YJEFN3: variants seen among roughly 807,000 people sequenced by gnomAD.
The protein encoded by YJEFN3 is YjeF N-terminal domain containing 3.
Under a neutral mutation model 31.5 loss-of-function variants are expected in YJEFN3, and 29 were observed. The observed-to-expected ratio is 0.92, with a 90% CI of 0.69 to 1.26. The LOEUF is 1.26. Ranked by LOEUF, YJEFN3 falls within the 50% of genes most tolerant of loss-of-function variation. The pLI, the probability that YJEFN3 is intolerant of heterozygous loss-of-function variation, is 0.00. For missense variants in YJEFN3, 442 were observed against 425.4 expected, an observed-to-expected ratio of 1.04 and a Z score of -0.34; for synonymous variants, 227 against 196.1, an observed-to-expected ratio of 1.16 and a Z score of -1.32.
chr19:19,529,232 A>T, intron 1 of YJEFN3, 132 bp from the exon 2 acceptor site: 1 of 1,449,548 alleles, frequency 6.9e-7, no homozygotes, highest in South Asian at 1.5e-5. Flanking sequence ...ATCTTGCTGG[A>T]GACACTAAGC....
intron 2 of YJEFN3, among the ~76,000 whole-genome samples, chr19:19,530,718 G>A (rs1412936727): frequency 1.3e-5 from 2 of 152,136 alleles, no homozygotes; most frequent in Non-Finnish European, 2.9e-5. Flanking sequence ...GCCCCGGGGG[G>A]ACTCTGTCTG....
chr19:19,528,930 GC>G lies in YJEFN3; in HGVS notation c.-1del, dbSNP rs767896675. On this transcript the variant is annotated 5_prime_UTR_variant, in exon 1 of 7. Coordinates refer to ENST00000514277, the MANE Select transcript of YJEFN3 (RefSeq NM_198537.4). ...GCGCCCGGCGCCCGGGCTCACCTCGGCCATGAGCAGCGCAGCCGGCCCAGAC... is the reference window on the plus strand; with the variant it reads ...GCGCCCGGCGCCCGGGCTCACCTCGGCATGAGCAGCGCAGCCGGCCCAGAC... 27 of 1,548,398 alleles carry G rather than the reference GC, an allele frequency of 1.7e-5. No homozygotes were observed. The highest frequency in any genetic ancestry group is 9.8e-5 in the Admixed American group (5 of 50,922).
intron 2 of YJEFN3, 129 bp from the exon 3 acceptor site, chr19:19,532,503 G>A (rs2061167485): frequency 1.9e-6 from 1 of 540,426 alleles, no homozygotes; most frequent in East Asian, 3.5e-5. Context: ...GGCTGCAGAC[G>A]CTACTCGGGG....
chr19:19,530,073 C>T (rs2061140201), intron 2 of YJEFN3, among the ~76,000 whole-genome samples: 2 of 152,134 alleles, frequency 1.3e-5, no homozygotes, highest in Non-Finnish European at 2.9e-5. Context: ...TGGAGAGAAG[C>T]AGGTAGGACT....
At chr19:19,531,759 C>G (rs1248015031) in intron 2 of YJEFN3, among the ~76,000 whole-genome samples, 2 of 110,776 alleles carry the variant, frequency 1.8e-5, no homozygotes, top group East Asian at 4.9e-4. Flanking sequence ...GGAGACGGAG[C>G]CTCACTCTGT....
At position 19,537,570 on chromosome 19, in the gene YJEFN3, C is replaced by T. The variant is rs2144672660; in HGVS notation, c.*46C>T. 1 of 1,465,298 alleles carries T rather than the reference C, an allele frequency of 6.8e-7. No individual in the cohort carries two copies. The highest frequency in any genetic ancestry group is 1.4e-5 in the African/African-American group (1 of 71,256). The allele number at this position is 1,465,298 out of a possible 1,614,324, so 90.8% of individuals were successfully genotyped here. ...GCAGGGACCCTCGCCAATAAACAGC[C>T]CTCCCACCACCGCCGCCTCGCCTCC... is the stretch of plus-strand genomic sequence containing the variant. On this transcript the variant is annotated 3_prime_UTR_variant, in exon 7 of 7. Coordinates refer to ENST00000514277, the MANE Select transcript of YJEFN3 (RefSeq NM_198537.4).
In YJEFN3 at chr19:19,537,402, G is replaced by T. The variant is rs367770101; in HGVS notation, c.778G>T (p.Ala260Ser). 1 of 1,590,018 alleles carries T rather than the reference G, an allele frequency of 6.3e-7. No homozygotes were observed. Among genetic ancestry groups the T allele is most frequent in the Non-Finnish European group, 8.5e-7 (1 of 1,174,718 alleles). Reference protein sequence around the residue: ...LVSLAAPKRCAGRFSGRHHFV... With the variant: ...LVSLAAPKRCSGRFSGRHHFV... ...GTCTCTCGCGGCGCCCAAGCGCTGCGCTGGCCGCTTCTCCGGGCGCCACCA... is the reference window on the plus strand; with the variant it reads ...GTCTCTCGCGGCGCCCAAGCGCTGCTCTGGCCGCTTCTCCGGGCGCCACCA... The change falls in exon 7 of 7, where the codon GCT becomes TCT. Residue 260 changes from alanine to serine, a missense_variant. Coordinates refer to ENST00000514277, the MANE Select transcript of YJEFN3 (RefSeq NM_198537.4).
In YJEFN3 at chr19:19,537,453, G is replaced by A. The variant is rs1234548682; in HGVS notation, c.829G>A (p.Asp277Asn). The change falls in exon 7 of 7, where the codon GAT (aspartate) becomes AAT (asparagine). Residue 277 changes from aspartate (D) to asparagine (N), a missense_variant. Coordinates refer to ENST00000514277, the MANE Select transcript of YJEFN3 (RefSeq NM_198537.4). ...CTTCGTGGCCGGCAGGTTCGTGCCCGATGACGTGCGCCGCAAGTTCGCTCT... is the reference window on the plus strand; with the variant it reads ...CTTCGTGGCCGGCAGGTTCGTGCCCAATGACGTGCGCCGCAAGTTCGCTCT... The part of the protein sequence containing the change: ...HHFVAGRFVP[D>N]DVRRKFALRL... 2 of 1,587,096 alleles carry A rather than the reference G, an allele frequency of 1.3e-6. No individual in the cohort carries two copies. Among genetic ancestry groups the A allele is most frequent in the Admixed American group, 1.7e-5 (1 of 58,512 alleles).
At chr19:19,532,543 G>A (rs1172053508) in intron 2 of YJEFN3, 89 bp from the exon 3 acceptor site, 2 of 897,166 alleles carry the variant, frequency 2.2e-6, no homozygotes, top group African/African-American at 1.7e-5. Flanking sequence ...CATTGGGACC[G>A]GGTTCAGAAG....
Position 19,532,618 on chromosome 19 carries a change from C to A in YJEFN3, c.210-14C>A, listed in dbSNP as rs777144990. On this transcript the variant is annotated splice_polypyrimidine_tract_variant and intron_variant, in intron 2 of 6. Coordinates refer to ENST00000514277, the MANE Select transcript of YJEFN3 (RefSeq NM_198537.4). ...CTGTGTGTCTCTGAGTGTCCCATCC[C>A]ACTCTGTCCCCAGCACCGCGGAGGC... is the stretch of plus-strand genomic sequence containing the variant. 1.3e-6 allele frequency: 2 copies of A among 1,521,160 alleles called. No individual in the cohort carries two copies. The highest frequency in any genetic ancestry group is 2.0e-5 in the Admixed American group (1 of 50,584). 94.2% of individuals were successfully genotyped at this position (1,521,160 alleles called of 1,614,324 possible).
intron 6 of YJEFN3, 132 bp downstream of exon 6, chr19:19,535,811 G>A (rs1355739793): frequency 2.5e-6 from 3 of 1,222,236 alleles, no homozygotes; most frequent in Admixed American, 4.0e-5. Context: ...ACTTGGCTGA[G>A]GCTAAGGGTC....
rs753428706 is a variant in YJEFN3, at chr19:19,535,327, C to T, written c.430-10C>T. 10 of 1,612,374 alleles carry T rather than the reference C, an allele frequency of 6.2e-6. No individual in the cohort carries two copies. The highest frequency in any genetic ancestry group is 8.5e-6 in the Non-Finnish European group (10 of 1,179,176). On this transcript the variant is annotated splice_polypyrimidine_tract_variant and intron_variant, in intron 4 of 6. Coordinates refer to ENST00000514277, the MANE Select transcript of YJEFN3 (RefSeq NM_198537.4). ...CAGGGGAGTCTGACCCCCTCTTCTC[C>T]CACCCCCAGGAGTATGAACCCACCA... is the stretch of plus-strand genomic sequence containing the variant.
At position 19,535,335 on chromosome 19, in the gene YJEFN3, A is replaced by G. The variant is rs2061197474; in HGVS notation, c.430-2A>G. The G allele has an allele frequency of 6.2e-7, 1 of 1,613,390 alleles. No individual in the cohort carries two copies. On this transcript the variant is annotated splice_acceptor_variant, in intron 4 of 6. Transcript: ENST00000514277. LOFTEE classifies it high-confidence loss of function. ...TCTGACCCCCTCTTCTCCCACCCCC[A>G]GGAGTATGAACCCACCATCTTCTAC... is the stretch of plus-strand genomic sequence containing the variant.
intron 3 of YJEFN3, chr19:19,533,761 G>A: frequency 1.0e-6 from 1 of 985,434 alleles, no homozygotes; most frequent in Non-Finnish European, 1.2e-6. Context: ...GGCGCCCAAA[G>A]GAGAAGGAAA....
At chr19:19,529,329 A>T (rs976260660) in intron 1 of YJEFN3, 35 bp from the exon 2 acceptor site, 1 of 1,573,880 alleles carries the variant, frequency 6.4e-7, no homozygotes, top group African/African-American at 1.4e-5. Flanking sequence ...ACCGAACCCC[A>T]ACCGTGGCCC....
In YJEFN3 at chr19:19,535,023, C is replaced by T. The variant is rs1156959292; in HGVS notation, c.319-11C>T. 1 of 1,583,326 alleles carries T rather than the reference C, an allele frequency of 6.3e-7. No individual in the cohort carries two copies. On this transcript the variant is annotated splice_polypyrimidine_tract_variant and intron_variant, in intron 3 of 6. Coordinates refer to ENST00000514277, the MANE Select transcript of YJEFN3 (RefSeq NM_198537.4). Reference sequence around the variant, plus strand: ...CTGTGCCTGTGCCTTTGCTGTGTCCCCTACCACCAGGCGTTCCCGTTGCCC... The same window carrying T: ...CTGTGCCTGTGCCTTTGCTGTGTCCTCTACCACCAGGCGTTCCCGTTGCCC...
At chr19:19,535,798 C>T (rs2061204334) in intron 6 of YJEFN3, 119 bp downstream of exon 6, 1 of 1,325,410 alleles carries the variant, frequency 7.5e-7, no homozygotes. Context: ...TGGATGGACC[C>T]ACACTTGGCT....
chr19:19,535,097 C>A lies in YJEFN3; in HGVS notation c.382C>A (p.Gln128Lys). 2 of 1,611,912 alleles carry A rather than the reference C, an allele frequency of 1.2e-6. No individual in the cohort carries two copies. The highest frequency in any genetic ancestry group is 1.7e-6 in the Non-Finnish European group (2 of 1,178,990). Residue 128 changes from glutamine (Q) to lysine (K), a missense_variant, in exon 4 of 7, where the codon CAG becomes AAG. Gln to Lys is a moderately conservative substitution (Grantham distance 53, BLOSUM62 1). Transcript: ENST00000514277. ...RTVLVVCGPE[Q>K]NGAVGLVCAR... Reference sequence around the variant, plus strand: ...GGTGCTGGTCGTGTGTGGCCCGGAGCAGAACGGGGCAGTGGGGCTGGTCTG... The same window carrying A: ...GGTGCTGGTCGTGTGTGGCCCGGAGAAGAACGGGGCAGTGGGGCTGGTCTG...
Position 19,529,494 on chromosome 19 carries a change from G to T in YJEFN3, c.190G>T (p.Ala64Ser). The T allele has an allele frequency of 6.2e-7, 1 of 1,613,872 alleles. No homozygotes were observed. The highest frequency in any genetic ancestry group is 8.5e-7 in the Non-Finnish European group (1 of 1,179,854). Residue 64 changes from alanine (A) to serine (S), a missense_variant, in exon 2 of 7, where the codon GCA becomes TCA. Ala to Ser is a moderately conservative substitution (Grantham distance 99). Transcript: ENST00000514277. ...GTCATGGCTAGAGCAGATTTGGAAC[G>T]CAGGGCCTGTTTGCCAGAGGTTGGT... is the stretch of plus-strand genomic sequence containing the variant. Reference protein sequence around the residue: ...RQSWLEQIWNAGPVCQSTAEA... With the variant: ...RQSWLEQIWNSGPVCQSTAEA...
Sources: allele counts gnomAD v4.1 joint callset (sites outside exome capture counted in the v4.1 genomes callset), GRCh38; gene constraint gnomAD v4.1.1; transcripts MANE v1.5; gene names NCBI Gene and HGNC (gene_info 2026-07-23, HGNC 2026-07-21).